The following EXOC4 variants were observed in gnomAD, a reference collection of about 807,000 sequenced individuals.
The protein encoded by EXOC4 is exocyst complex component 4, also known as SEC8-like 1.
Under a neutral mutation model 107.2 loss-of-function variants are expected in EXOC4, and 71 were observed. That is an observed-to-expected ratio of 0.66 (90% CI 0.55 to 0.81). The LOEUF is 0.81. EXOC4 is among the 30% of genes least tolerant of loss of function. EXOC4 has a pLI of 0.00. For missense variants in EXOC4, 1,108 were observed against 1,189.6 expected, an observed-to-expected ratio of 0.93 and a Z score of 1.01; for synonymous variants, 456 against 441.2, an observed-to-expected ratio of 1.03 and a Z score of -0.42.
intron 17 of EXOC4, among the ~76,000 whole-genome samples, chr7:134,042,313 A>C (rs1795538929): frequency 6.6e-6 from 1 of 152,196 alleles, no homozygotes; most frequent in Non-Finnish European, 1.5e-5. Context: ...TTGTGTCTTC[A>C]TTACAAAGCA....
At chr7:133,926,042 CAAAAA>C (rs552126104) in intron 13 of EXOC4, among the ~76,000 whole-genome samples, 2 of 104,712 alleles carry the variant, frequency 1.9e-5, no homozygotes, top group South Asian at 3.3e-4. Flanking sequence ...GACTCCGTCT[CAAAAA>C]AAAAAAAAAA....
At chr7:133,433,626 C>T (rs897873065) in intron 7 of EXOC4, among the ~76,000 whole-genome samples, 1 of 152,118 alleles carries the variant, frequency 6.6e-6, no homozygotes, top group Non-Finnish European at 1.5e-5. Context: ...AGTATTGTGG[C>T]GGTAGCTGAC....
At chr7:134,000,722 G>A (rs972528629) in intron 15 of EXOC4, among the ~76,000 whole-genome samples, 4 of 152,226 alleles carry the variant, frequency 2.6e-5, no homozygotes, top group East Asian at 1.9e-4. Context: ...GAATTAGAAC[G>A]TAGGCCCGGT....
chr7:133,871,308 C>A lies in EXOC4; in HGVS notation c.1735-24291C>A, dbSNP rs113995757. On this transcript the variant is annotated intron_variant, in intron 11 of 17. Coordinates refer to ENST00000253861, the MANE Select transcript of EXOC4 (RefSeq NM_021807.4). ...ACCAGCCACACAACCAAAAAAATCA[C>A]CACAAAAACCACCAAACACCACAAA... Among the ~76,000 whole-genome samples the A allele has an allele frequency of 5.6e-3, 856 of 151,968 alleles. 5 individuals carry two copies. The highest frequency in any genetic ancestry group is 0.02 in the African/African-American group (809 of 41,430).
intron 10 of EXOC4, among the ~76,000 whole-genome samples, chr7:133,700,689 A>T (rs1206458307): frequency 1.3e-5 from 2 of 152,142 alleles, no homozygotes; most frequent in Admixed American, 1.3e-4. Flanking sequence ...CATTTACTTT[A>T]CTGGATTTAT....
At chr7:133,359,940 A>G (rs886561108) in intron 6 of EXOC4, among the ~76,000 whole-genome samples, 19 of 152,190 alleles carry the variant, frequency 1.2e-4, no homozygotes, top group African/African-American at 4.6e-4. Context: ...CTGTTCATTC[A>G]TAATCTATCA....
At chr7:133,770,833 T>G (rs1478709771) in intron 10 of EXOC4, among the ~76,000 whole-genome samples, 3 of 151,952 alleles carry the variant, frequency 2.0e-5, no homozygotes, top group Non-Finnish European at 4.4e-5. Context: ...TACATGTGTT[T>G]GATTATGAGG....
Position 133,275,017 on chromosome 7 carries a change from A to T in EXOC4, c.122A>T (p.Glu41Val), listed in dbSNP as rs1276911262. 6.2e-7 allele frequency: 1 copy of T among 1,612,904 alleles called. No homozygotes were observed. Among genetic ancestry groups the T allele is most frequent in the Non-Finnish European group, 8.5e-7 (1 of 1,179,394 alleles). Residue 41 changes from glutamate to valine, a missense_variant, in exon 2 of 18, where the codon GAA becomes GTA. By Grantham distance (121) the Glu-to-Val change is moderately radical. Coordinates refer to ENST00000253861, the MANE Select transcript of EXOC4 (RefSeq NM_021807.4). ...LSTSDDVEDR[E>V]NEKGRLEEAY... ...ACTAGTGACGATGTCGAAGACAGGG[A>T]AAATGAAAAGGGTCGCCTTGAAGAA...
Position 133,374,973 on chromosome 7 carries a change from G to C in EXOC4, c.1153G>C (p.Val385Leu), listed in dbSNP as rs1344644570. 1 of 1,613,880 alleles carries C rather than the reference G, an allele frequency of 6.2e-7. No homozygotes were observed. Among genetic ancestry groups the C allele is most frequent in the Non-Finnish European group, 8.5e-7 (1 of 1,179,950 alleles). The change falls in exon 7 of 18, where the codon GTA (valine) becomes CTA (leucine). Residue 385 changes from valine to leucine, a missense_variant. Coordinates refer to ENST00000253861, the MANE Select transcript of EXOC4 (RefSeq NM_021807.4). ...EDIKLYDMAD[V>L]WVKIQDVLQM... is the part of the protein sequence containing the mutation. The stretch of plus-strand genomic sequence containing the variant: ...TATCAAACTGTATGATATGGCAGAT[G>C]TATGGGTGAAGATCCAAGATGTTCT...
intron 10 of EXOC4, among the ~76,000 whole-genome samples, chr7:133,639,511 G>A (rs1216638447): frequency 4.6e-5 from 7 of 151,994 alleles, no homozygotes; most frequent in Non-Finnish European, 1.0e-4. Flanking sequence ...CCCAAAATAA[G>A]CAATGCTATT....
chr7:133,300,722 A>G (rs1170679907), intron 3 of EXOC4, among the ~76,000 whole-genome samples: 1 of 151,962 alleles, frequency 6.6e-6, no homozygotes, highest in East Asian at 1.9e-4. Context: ...TAAAGGCTAC[A>G]ATGTACTGCA....
At chr7:133,387,880 T>C (rs777512699) in intron 7 of EXOC4, among the ~76,000 whole-genome samples, 1 of 152,008 alleles carries the variant, frequency 6.6e-6, no homozygotes, top group Non-Finnish European at 1.5e-5. Context: ...GTTGAGTTCA[T>C]GGGCAAAGGG....
At chr7:133,621,951 TTGTCTGTCTGTC>T (rs3045316) in intron 9 of EXOC4, among the ~76,000 whole-genome samples, 3 of 151,144 alleles carry the variant, frequency 2.0e-5, no homozygotes, top group Admixed American at 2.0e-4. Flanking sequence ...CTATTTTCTT[TTGTCTGTCTGTC>T]TGTCTGTCTG....
intron 14 of EXOC4, among the ~76,000 whole-genome samples, chr7:133,940,832 A>G (rs1585264490): frequency 6.6e-6 from 1 of 151,984 alleles, no homozygotes; most frequent in Admixed American, 6.5e-5. Flanking sequence ...AGTGTTTCCA[A>G]GTCTGGAGAC....
intron 9 of EXOC4, among the ~76,000 whole-genome samples, chr7:133,581,635 G>A (rs1347823125): frequency 2.0e-5 from 3 of 151,202 alleles, no homozygotes; most frequent in African/African-American, 7.3e-5. Context: ...GTGGGCGCCT[G>A]TAATCCCAGC....
At chr7:133,711,707 C>A (rs1286141226) in intron 10 of EXOC4, among the ~76,000 whole-genome samples, 1 of 152,164 alleles carries the variant, frequency 6.6e-6, no homozygotes, top group East Asian at 1.9e-4. Flanking sequence ...TTCTGGCCAA[C>A]CCTAGCATTT....
chr7:133,813,647 T>A (rs1406557488), intron 10 of EXOC4, among the ~76,000 whole-genome samples: 2 of 152,158 alleles, frequency 1.3e-5, no homozygotes, highest in Non-Finnish European at 2.9e-5. Flanking sequence ...TTTATTTCAT[T>A]TTTCCCTGCC....
At chr7:134,056,065 A>G (rs1421981261) in intron 17 of EXOC4, among the ~76,000 whole-genome samples, 1 of 152,198 alleles carries the variant, frequency 6.6e-6, no homozygotes, top group Non-Finnish European at 1.5e-5. Flanking sequence ...AATCTGAAAA[A>G]TATAGATAAT....
intron 3 of EXOC4, among the ~76,000 whole-genome samples, chr7:133,292,409 G>T (rs2150550829): frequency 6.6e-6 from 1 of 152,102 alleles, no homozygotes; most frequent in East Asian, 1.9e-4. Context: ...GTCCTTAGAG[G>T]TATCATATGT....
Sources: allele counts gnomAD v4.1 joint callset (sites outside exome capture counted in the v4.1 genomes callset), GRCh38; gene constraint gnomAD v4.1.1; transcripts MANE v1.5; gene names NCBI Gene and HGNC (gene_info 2026-07-23, HGNC 2026-07-21).